Variants in RAP1A observed in about 807,000 individuals in gnomAD.
RAP1A encodes ras-related protein Rap-1A.
RAP1A carries 6 observed loss-of-function variants against 26.4 expected under a neutral mutation model. The ratio of observed to expected loss-of-function variants is 0.23; its 90% CI spans 0.12 to 0.45. The LOEUF is 0.45. Ranked by LOEUF, RAP1A falls within the 20% of genes least tolerant of loss-of-function variation. The pLI is 0.99. For missense variants in RAP1A, 121 were observed against 217.2 expected (o/e 0.56, Z 2.78); for synonymous variants, 73 against 79.4 (o/e 0.92, Z 0.43).
Position 111,691,200 on chromosome 1 carries a change from A to G in RAP1A, c.-27-134A>G, listed in dbSNP as rs192529020. 1.9e-4 allele frequency: 86 copies of G among 452,092 alleles called. No individual in the cohort carries two copies. The Admixed American group carries it at 3.4e-3, about 18-fold the overall frequency. 28.0% of individuals were successfully genotyped at this position (452,092 alleles called of 1,614,324 possible). A position where few individuals can be genotyped will look rare whatever the true frequency, so the allele number is the denominator to read the frequency against. Reference sequence around the variant, plus strand: ...TGTTAAAATCTGTATGGATTTTGCCATGTAGCTTCTGTTGTCCCTTTGATA... The same window carrying G: ...TGTTAAAATCTGTATGGATTTTGCCGTGTAGCTTCTGTTGTCCCTTTGATA... On this transcript the variant is annotated intron_variant, in intron 1 of 7. Coordinates refer to ENST00000369709, the MANE Select transcript of RAP1A (RefSeq NM_002884.4).
At position 111,607,860 on chromosome 1, in the gene RAP1A, C is replaced by T. The variant is rs527611301; in HGVS notation, c.-28+65351C>T. Reference sequence around the variant, plus strand: ...CTCCCGGACGGGGCGGCTGGCCGGGCGGGGCCTGACCCCCCCCACCTCCCT... The same window carrying T: ...CTCCCGGACGGGGCGGCTGGCCGGGTGGGGCCTGACCCCCCCCACCTCCCT... On this transcript the variant is annotated intron_variant, in intron 1 of 7. Coordinates refer to the RAP1A transcript ENST00000356415. Among the ~76,000 whole-genome samples, 35 of 83,700 alleles carry T rather than the reference C, an allele frequency of 4.2e-4. 2 individuals are homozygous for T. Among genetic ancestry groups the T allele is most frequent in the African/African-American group, 1.6e-3 (32 of 20,356 alleles). 54.9% of individuals were successfully genotyped at this position (83,700 alleles called of 152,430 possible). A position where few individuals can be genotyped will look rare whatever the true frequency, so the allele number is the denominator to read the frequency against.
At chr1:111,664,392 A>C (rs59592116) in intron 1 of RAP1A, among the ~76,000 whole-genome samples, 20,160 of 140,308 alleles carry the variant, frequency 0.14, 1,861 homozygotes, top group African/African-American at 0.23. Context: ...AAAAAAAAAA[A>C]AAAAAACAAA....
intron 3 of RAP1A, among the ~76,000 whole-genome samples, chr1:111,696,767 A>G (rs1018712601): frequency 1.3e-5 from 2 of 152,318 alleles, no homozygotes; most frequent in Middle Eastern, 3.4e-3. Context: ...TGATACTTTC[A>G]TTAGACCAAC....
chr1:111,661,571 C>T (rs1000880179), intron 1 of RAP1A, among the ~76,000 whole-genome samples: 19 of 151,970 alleles, frequency 1.3e-4, no homozygotes, highest in African/African-American at 2.9e-4. Context: ...GAGGCTGAGG[C>T]GGGGGGATCA....
Position 111,679,320 on chromosome 1 carries a change from C to T in RAP1A, c.-27-12014C>T, listed in dbSNP as rs184492879. The stretch of plus-strand genomic sequence containing the variant: ...ACTCCCTCCCCTAGCCAAGGGAAGC[C>T]GTGAGGGACTGTGCCATGAGGAACG... On this transcript the variant is annotated intron_variant, in intron 1 of 7. Transcript: ENST00000369709. Among the ~76,000 whole-genome samples, 311 of 152,166 alleles carry T rather than the reference C, an allele frequency of 2.0e-3. 2 individuals are homozygous for T. Among genetic ancestry groups the T allele is most frequent in the Middle Eastern group, 0.02 (6 of 294 alleles).
intron 1 of RAP1A, among the ~76,000 whole-genome samples, chr1:111,674,946 C>T (rs929384849): frequency 6.6e-6 from 1 of 152,110 alleles, no homozygotes; most frequent in African/African-American, 2.4e-5. Flanking sequence ...GAATACAAAT[C>T]TAATCATATT....
At chr1:111,632,685 G>A (rs911037283) in intron 1 of RAP1A, among the ~76,000 whole-genome samples, 2 of 152,056 alleles carry the variant, frequency 1.3e-5, no homozygotes, top group Non-Finnish European at 2.9e-5. Context: ...GGTCGAGGCG[G>A]GCGGATCACC....
At chr1:111,632,679 G>A (rs934081124) in intron 1 of RAP1A, among the ~76,000 whole-genome samples, 4 of 152,026 alleles carry the variant, frequency 2.6e-5, no homozygotes, top group Non-Finnish European at 5.9e-5. Context: ...TTGGGAGGTC[G>A]AGGCGGGCGG....
chr1:111,548,692 C>T (rs1657132173), intron 1 of RAP1A, among the ~76,000 whole-genome samples: 1 of 152,178 alleles, frequency 6.6e-6, no homozygotes, highest in South Asian at 2.1e-4. Context: ...TGGTCTGCCA[C>T]CGTAGGCTTC....
At chr1:111,649,287 C>G in intron 1 of RAP1A, 1 of 466,478 alleles carries the variant, frequency 2.1e-6, no homozygotes, top group South Asian at 1.7e-5. Flanking sequence ...CAGGCTCTCA[C>G]TCTGTCCAGG....
intron 1 of RAP1A, among the ~76,000 whole-genome samples, chr1:111,669,733 G>C (rs1220034669): frequency 1.3e-5 from 2 of 152,168 alleles, no homozygotes; most frequent in Admixed American, 6.5e-5. Flanking sequence ...GAAAAATCAA[G>C]TAGATACAGT....
intron 1 of RAP1A, among the ~76,000 whole-genome samples, chr1:111,550,108 T>C (rs888936055): frequency 3.9e-5 from 6 of 152,232 alleles, no homozygotes; most frequent in Non-Finnish European, 8.8e-5. Flanking sequence ...TAAAATTTGT[T>C]GTCATGCAAT....
At chr1:111,596,519 T>C (rs1411657740) in intron 1 of RAP1A, among the ~76,000 whole-genome samples, 1 of 152,282 alleles carries the variant, frequency 6.6e-6, no homozygotes, top group Non-Finnish European at 1.5e-5. Flanking sequence ...TCTTCTTCAT[T>C]GCCATAGTCC....
At chr1:111,639,679 T>A (rs1256893834) in intron 1 of RAP1A, among the ~76,000 whole-genome samples, 1 of 152,096 alleles carries the variant, frequency 6.6e-6, no homozygotes, top group Non-Finnish European at 1.5e-5. Context: ...AGTACTGCAC[T>A]CACCGCTAGG....
At chr1:111,612,174 A>G (rs1370887761) in intron 1 of RAP1A, among the ~76,000 whole-genome samples, 1 of 152,194 alleles carries the variant, frequency 6.6e-6, no homozygotes, top group Non-Finnish European at 1.5e-5. Flanking sequence ...TCTGATAAAA[A>G]AAGACTTCAC....
At chr1:111,677,608 G>A (rs1225218471) in intron 1 of RAP1A, among the ~76,000 whole-genome samples, 3 of 152,166 alleles carry the variant, frequency 2.0e-5, no homozygotes, top group African/African-American at 7.2e-5. Context: ...GCAAGTTGGT[G>A]CTGGTTCTTG....
At chr1:111,678,336 T>G (rs1255275470) in intron 1 of RAP1A, among the ~76,000 whole-genome samples, 1 of 152,252 alleles carries the variant, frequency 6.6e-6, no homozygotes, top group Non-Finnish European at 1.5e-5. Context: ...TTTTGCTAAA[T>G]GTATCTCTAA....
chr1:111,670,054 A>G (rs1660925085), intron 1 of RAP1A, among the ~76,000 whole-genome samples: 1 of 152,232 alleles, frequency 6.6e-6, no homozygotes, highest in South Asian at 2.1e-4. Flanking sequence ...AAGTTTTCAG[A>G]TAAATAAAAC....
intron 1 of RAP1A, among the ~76,000 whole-genome samples, chr1:111,668,374 CA>C (rs1423840799): frequency 6.6e-6 from 1 of 152,140 alleles, no homozygotes; most frequent in African/African-American, 2.4e-5. Flanking sequence ...AATTTAAAAT[CA>C]GTGTGTTTAG....
Sources: gnomAD v4.1 joint callset for allele counts (sites outside exome capture counted in the v4.1 genomes callset) on GRCh38, gnomAD v4.1.1 for gene constraint, MANE v1.5 for transcripts, NCBI Gene and HGNC (gene_info 2026-07-23, HGNC 2026-07-21) for gene names.